GREB1L: variants seen among roughly 807,000 people sequenced by gnomAD.
The protein encoded by GREB1L is GREB1 like retinoic acid receptor coactivator.
Under a neutral mutation model 200.8 loss-of-function variants are expected in GREB1L, and 17 were observed. The ratio of observed to expected loss-of-function variants is 0.08; its 90% confidence interval spans 0.06 to 0.13. The LOEUF (loss-of-function observed/expected upper bound fraction) is 0.13. Ranked by LOEUF, GREB1L falls within the 10% of genes least tolerant of loss-of-function variation. The pLI is 1.00. For missense variants in GREB1L, 1,657 were observed against 2,367.7 expected, an observed-to-expected ratio of 0.70 and a Z score of 6.23; for synonymous variants, 789 against 893.0, an observed-to-expected ratio of 0.88 and a Z score of 2.08.
rs1336732615 is a variant in GREB1L at position 21,524,041 on chromosome 18, CTA to C, written c.*1221_*1222del. The C allele has an allele frequency of 6.6e-6, 1 of 152,166 alleles. No individual in the cohort carries two copies. Among genetic ancestry groups the C allele is most frequent in the Admixed American group, 6.5e-5 (1 of 15,280 alleles). 9.4% of individuals were successfully genotyped at this position (152,166 alleles called of 1,614,324 possible). A position where few individuals can be genotyped will look rare whatever the true frequency, so the allele number is the denominator to read the frequency against. ...TTTTTAGAAAGTGTTCTAGATAAAA[CTA>C]AGTCTTAGAAGTTTACTCTTAAATT... On this transcript the variant is annotated 3_prime_UTR_variant, in exon 33 of 33. Coordinates refer to ENST00000424526, the MANE Select transcript of GREB1L (RefSeq NM_001142966.3).
intron 4 of GREB1L, among the ~76,000 whole-genome samples, chr18:21,392,828 A>G (rs930636798): frequency 5.3e-5 from 8 of 151,890 alleles, no homozygotes; most frequent in African/African-American, 1.7e-4. Context: ...CTGGAGTACA[A>G]TGGCACAATC....
At chr18:21,418,800 C>T (rs1294645075) in intron 7 of GREB1L, among the ~76,000 whole-genome samples, 1 of 152,172 alleles carries the variant, frequency 6.6e-6, no homozygotes, top group East Asian at 1.9e-4. Context: ...GCTGGGATTA[C>T]CAGCGTGCAC....
chr18:21,340,330 G>A (rs1199691881), intron 1 of GREB1L, among the ~76,000 whole-genome samples: 1 of 151,910 alleles, frequency 6.6e-6, no homozygotes, highest in Non-Finnish European at 1.5e-5. Flanking sequence ...TGAGGCAGGG[G>A]AATGGCGTGA....
At chr18:21,411,255 G>A (rs1308631306) in intron 7 of GREB1L, among the ~76,000 whole-genome samples, 1 of 151,002 alleles carries the variant, frequency 6.6e-6, no homozygotes, top group Non-Finnish European at 1.5e-5. Context: ...CGCCCAGGCT[G>A]GAGTGCAGTG....
At chr18:21,448,173 A>AG (rs1555649547) in intron 11 of GREB1L, among the ~76,000 whole-genome samples, 1 of 113,690 alleles carries the variant, frequency 8.8e-6, no homozygotes, top group African/African-American at 2.9e-5. Context: ...AAAAAAAAAA[A>AG]GCAGCAGCAG....
chr18:21,516,399 T>C (rs1213087680), intron 29 of GREB1L, among the ~76,000 whole-genome samples: 3 of 152,214 alleles, frequency 2.0e-5, no homozygotes, highest in African/African-American at 7.2e-5. Flanking sequence ...GTGACATAGC[T>C]GGGACAAAAA....
intron 31 of GREB1L, 48 bp downstream of exon 31, chr18:21,518,282 C>A (rs568899974): frequency 1.2e-5 from 18 of 1,504,246 alleles, no homozygotes; most frequent in Non-Finnish European, 1.6e-5. Flanking sequence ...CCATCCATTT[C>A]TTTCTCATTT....
At chr18:21,276,437 G>C (rs1411608494) in intron 1 of GREB1L, among the ~76,000 whole-genome samples, 1 of 152,102 alleles carries the variant, frequency 6.6e-6, no homozygotes, top group Non-Finnish European at 1.5e-5. Context: ...GGCTGGGAAC[G>C]CTGCCCTGAA....
At chr18:21,403,067 A>G (rs1417239590) in intron 6 of GREB1L, among the ~76,000 whole-genome samples, 1 of 152,128 alleles carries the variant, frequency 6.6e-6, no homozygotes, top group Non-Finnish European at 1.5e-5. Flanking sequence ...TGTATCTCAT[A>G]AACTTGGAGA....
chr18:21,524,778 A>T lies in GREB1L; in HGVS notation c.*1957A>T, dbSNP rs990796344. Reference sequence around the variant, plus strand: ...AGTTAGGGCTGCACTCTGAAAATTCAAATTATTATTATGAGCTCTTAAATA... The same window carrying T: ...AGTTAGGGCTGCACTCTGAAAATTCTAATTATTATTATGAGCTCTTAAATA... On this transcript the variant is annotated 3_prime_UTR_variant, in exon 33 of 33. Coordinates refer to ENST00000424526, the MANE Select transcript of GREB1L (RefSeq NM_001142966.3). 38 of 152,054 alleles carry T rather than the reference A, an allele frequency of 2.5e-4. No homozygotes were observed. The highest frequency in any genetic ancestry group is 8.7e-4 in the African/African-American group (36 of 41,404). 9.4% of individuals were successfully genotyped at this position (152,054 alleles called of 1,614,324 possible). A position where few individuals can be genotyped will look rare whatever the true frequency, so the allele number is the denominator to read the frequency against.
intron 6 of GREB1L, among the ~76,000 whole-genome samples, chr18:21,401,626 G>A (rs1462338570): frequency 1.3e-5 from 2 of 152,166 alleles, no homozygotes; most frequent in Non-Finnish European, 2.9e-5. Flanking sequence ...GGACCTCAGG[G>A]TGACAGCTCC....
chr18:21,244,010 G>T (rs964392441), intron 1 of GREB1L, among the ~76,000 whole-genome samples: 5 of 151,986 alleles, frequency 3.3e-5, no homozygotes, highest in African/African-American at 1.2e-4. Context: ...ATGATGAAAG[G>T]GATTGAATAT....
intron 1 of GREB1L, among the ~76,000 whole-genome samples, chr18:21,354,457 T>A (rs1195057292): frequency 1.3e-5 from 2 of 152,154 alleles, no homozygotes; most frequent in Non-Finnish European, 1.5e-5. Context: ...ATAGTTTGAG[T>A]GCCTCTTATG....
intron 7 of GREB1L, among the ~76,000 whole-genome samples, chr18:21,405,261 A>G (rs974591980): frequency 6.6e-6 from 1 of 152,258 alleles, no homozygotes; most frequent in African/African-American, 2.4e-5. Context: ...GGCTCTGGCC[A>G]TTGAAAGCAT....
intron 1 of GREB1L, among the ~76,000 whole-genome samples, chr18:21,268,267 T>C (rs2038004478): frequency 6.6e-6 from 1 of 151,838 alleles, no homozygotes; most frequent in Admixed American, 6.6e-5. Context: ...GAGAAGTGTT[T>C]GTGCCAGCTT....
chr18:21,345,904 T>C (rs1417030808), intron 1 of GREB1L, among the ~76,000 whole-genome samples: 1 of 150,664 alleles, frequency 6.6e-6, no homozygotes, highest in African/African-American at 2.4e-5. Flanking sequence ...TTACAGGGTA[T>C]TCTGAGGATT....
intron 18 of GREB1L, among the ~76,000 whole-genome samples, chr18:21,487,029 T>C (rs546082469): frequency 6.6e-6 from 1 of 152,250 alleles, no homozygotes; most frequent in Non-Finnish European, 1.5e-5. Flanking sequence ...TACGGTTTGA[T>C]ATTTTTGCAG....
Position 21,526,093 on chromosome 18 carries a change from G to A in GREB1L, c.*3272G>A, listed in dbSNP as rs928106891. 6.6e-6 allele frequency among the ~76,000 whole-genome samples: 1 copy of A among 151,968 alleles called. No homozygotes were observed. Among genetic ancestry groups the A allele is most frequent in the Non-Finnish European group, 1.5e-5 (1 of 67,992 alleles). ...AGGCCTGAAACAACATCCAGAGAAC[G>A]AACATTTATCAAGCTTCTCTTTAGA... On this transcript the variant is annotated 3_prime_UTR_variant, in exon 33 of 33. Transcript: ENST00000424526.
At position 21,523,706 on chromosome 18, in the gene GREB1L, G is replaced by A. The variant is rs975964805; in HGVS notation, c.*885G>A. On this transcript the variant is annotated 3_prime_UTR_variant, in exon 33 of 33. Transcript: ENST00000424526. The stretch of plus-strand genomic sequence containing the variant: ...CACCAGCAAACCTAAATGTCAGGCT[G>A]AGGTTCTGTTGCAGAGTGAAACTAG... The A allele has an allele frequency of 1.3e-5, 2 of 152,250 alleles. No homozygotes were observed. The highest frequency in any genetic ancestry group is 4.8e-5 in the African/African-American group (2 of 41,458). 9.4% of individuals were successfully genotyped at this position (152,250 alleles called of 1,614,324 possible).
Sources: gnomAD v4.1 joint callset for allele counts (sites outside exome capture counted in the v4.1 genomes callset) on GRCh38, gnomAD v4.1.1 for gene constraint, MANE v1.5 for transcripts, NCBI Gene and HGNC (gene_info 2026-07-23, HGNC 2026-07-21) for gene names.